Variants in BNIPL observed in about 807,000 individuals in gnomAD.
BNIPL encodes BCL2 interacting protein like.
In BNIPL, 33 loss-of-function variants were observed where a neutral mutation model predicts 47.0. That is an observed-to-expected ratio of 0.70 (90% CI 0.53 to 0.94). The LOEUF (loss-of-function observed/expected upper bound fraction) is 0.94. Ranked by LOEUF, BNIPL falls within the 40% of genes least tolerant of loss-of-function variation. The pLI, the probability that BNIPL is intolerant of heterozygous loss-of-function variation, is 0.00. For synonymous variants in BNIPL, 145 were observed against 162.7 expected, an observed-to-expected ratio of 0.89 and a Z score of 0.83; for missense variants, 404 against 445.2, an observed-to-expected ratio of 0.91 and a Z score of 0.83.
chr1:151,039,195 G>C (rs1208319975), intron 4 of BNIPL, among the ~76,000 whole-genome samples, 169 bp downstream of exon 4: 1 of 152,200 alleles, frequency 6.6e-6, no homozygotes, highest in Non-Finnish European at 1.5e-5. Flanking sequence ...CAATGTGAGA[G>C]TAGTCAGTAG....
chr1:151,046,545 A>G, intron 9 of BNIPL, 106 bp from the exon 10 acceptor site: 5 of 1,052,248 alleles, frequency 4.8e-6, no homozygotes, highest in Admixed American at 2.5e-5. Flanking sequence ...ACTCAACCCA[A>G]TCATCTAGCT....
Position 151,043,724 on chromosome 1 carries a change from G to C in BNIPL, c.848G>C (p.Arg283Pro). ...WIRQCYRTLDRRLRKNLRALV... is the reference protein window; with the variant it reads ...WIRQCYRTLDPRLRKNLRALV... ...CGTCAGTGTTACCGTACCCTGGATC[G>C]GCGGTGAGACCTGGGATGAGAGGGC... Residue 283 changes from arginine (R) to proline (P), a missense_variant, in exon 7 of 10, where the codon CGG (arginine) becomes CCG (proline). Coordinates refer to ENST00000368931, the MANE Select transcript of BNIPL (RefSeq NM_138278.4). The C allele has an allele frequency of 6.2e-7, 1 of 1,613,022 alleles. No individual in the cohort carries two copies. Among genetic ancestry groups the C allele is most frequent in the South Asian group, 1.1e-5 (1 of 90,960 alleles).
At position 151,043,065 on chromosome 1, in the gene BNIPL, C is replaced by G; in HGVS notation, c.543C>G (p.Phe181Leu). ...TGEDGHHWRVFRMGPREQRVD... is the reference protein window; with the variant it reads ...TGEDGHHWRVLRMGPREQRVD... ...AAGATGGACATCACTGGAGGGTGTT[C>G]CGAATGGGACCACGGGAGCAGCGCG... Residue 181 changes from phenylalanine (F) to leucine (L), a missense_variant, in exon 5 of 10, where the codon TTC becomes TTG. Physicochemically the swap from Phe to Leu is conservative, Grantham distance 22. Coordinates refer to ENST00000368931, the MANE Select transcript of BNIPL (RefSeq NM_138278.4). The G allele has an allele frequency of 6.2e-7, 1 of 1,611,198 alleles. No homozygotes were observed. The highest frequency in any genetic ancestry group is 8.5e-7 in the Non-Finnish European group (1 of 1,179,314).
intron 4 of BNIPL, among the ~76,000 whole-genome samples, chr1:151,040,412 C>T (rs1020788973): frequency 1.8e-4 from 27 of 152,018 alleles, no homozygotes; most frequent in African/African-American, 6.5e-4. Context: ...AACTCCTGGC[C>T]TCAAGCAATC....
At chr1:151,042,858 T>C in intron 4 of BNIPL, 98 bp from the exon 5 acceptor site, 3 of 985,718 alleles carry the variant, frequency 3.0e-6, no homozygotes, top group Non-Finnish European at 4.4e-6. Context: ...AATTGAGTAA[T>C]GACAGATTAG....
At position 151,046,653 on chromosome 1, in the gene BNIPL, T is replaced by C. The variant is rs781112247; in HGVS notation, c.1040T>C (p.Leu347Pro). The C allele has an allele frequency of 1.2e-6, 2 of 1,602,966 alleles. No individual in the cohort carries two copies. Among genetic ancestry groups the C allele is most frequent in the Non-Finnish European group, 8.5e-7 (1 of 1,173,558 alleles). Residue 347 changes from leucine to proline, a missense_variant and splice_region_variant, in exon 10 of 10, where the codon CTG (leucine) becomes CCG (proline). Leu to Pro is a moderately conservative substitution (Grantham distance 98). Coordinates refer to ENST00000368931, the MANE Select transcript of BNIPL (RefSeq NM_138278.4). Reference protein sequence around the residue: ...QVHIPEAVRQLDRDLHGSGGT With the variant: ...QVHIPEAVRQPDRDLHGSGGT ...TCCTCCCCCTCTCCCTCTCCTAGGC[T>C]GGACCGGGATCTCCATGGCTCAGGA...
At position 151,037,557 on chromosome 1, in the gene BNIPL, G is replaced by T; in HGVS notation, c.42-10G>T. ...TTCCCTTGATCTTTTCTTCTTGGGG[G>T]CTGTCTTAGGGTCAGGGAGATTGCA... On this transcript the variant is annotated splice_polypyrimidine_tract_variant and intron_variant, in intron 1 of 9. Coordinates refer to ENST00000368931, the MANE Select transcript of BNIPL (RefSeq NM_138278.4). 1 of 1,596,318 alleles carries T rather than the reference G, an allele frequency of 6.3e-7. No homozygotes were observed. Among genetic ancestry groups the T allele is most frequent in the Non-Finnish European group, 8.5e-7 (1 of 1,171,122 alleles).
chr1:151,046,780 C>CATGATACG lies in BNIPL; in HGVS notation c.*93_*94insATGATACG. The CATGATACG allele has an allele frequency of 9.5e-7, 1 of 1,053,638 alleles. No homozygotes were observed. Among genetic ancestry groups the CATGATACG allele is most frequent in the Non-Finnish European group, 1.4e-6 (1 of 724,380 alleles). 65.3% of individuals were successfully genotyped at this position (1,053,638 alleles called of 1,614,324 possible). On this transcript the variant is annotated 3_prime_UTR_variant, in exon 10 of 10. Coordinates refer to ENST00000368931, the MANE Select transcript of BNIPL (RefSeq NM_138278.4). The stretch of plus-strand genomic sequence containing the variant: ...TGAACTGTTTTGTAAATCATCTTAT[C>CATGATACG]CCCAACCTCAGTACCACCGGATCTT...
chr1:151,036,881 T>G, intron 1 of BNIPL, 115 bp downstream of exon 1: 1 of 1,049,040 alleles, frequency 9.5e-7, no homozygotes, highest in Non-Finnish European at 1.5e-6. Context: ...GAGACAAGAC[T>G]GTAAGAGAGT....
intron 4 of BNIPL, among the ~76,000 whole-genome samples, chr1:151,040,533 C>T (rs1218236332): frequency 3.3e-5 from 5 of 151,896 alleles, no homozygotes; most frequent in Admixed American, 1.3e-4. Context: ...CGGTGGCTCA[C>T]GCCTGTAATC....
In BNIPL at chr1:151,043,603, G is replaced by A. The variant is rs1480445834; in HGVS notation, c.727G>A (p.Val243Met). ...YVMEHLFRYMVGTLELLVAEN... is the reference protein window; with the variant it reads ...YVMEHLFRYMMGTLELLVAEN... ...GCAATTTCATCCCCCCAGGTATATG[G>A]TGGGAACTCTGGAGCTGCTAGTAGC... is the stretch of plus-strand genomic sequence containing the variant. The change falls in exon 7 of 10, where the codon GTG (valine) becomes ATG (methionine). Residue 243 changes from valine to methionine, a missense_variant. By Grantham distance (21) the Val-to-Met change is conservative. Coordinates refer to ENST00000368931, the MANE Select transcript of BNIPL (RefSeq NM_138278.4). The A allele has an allele frequency of 2.5e-6, 4 of 1,611,510 alleles. No homozygotes were observed. The highest frequency in any genetic ancestry group is 3.4e-6 in the Non-Finnish European group (4 of 1,177,876).
chr1:151,038,960 A>G lies in BNIPL; in HGVS notation c.367A>G (p.Ile123Val), dbSNP rs1675727245. ...TCCTGATGGCAGTTCTGACCTGGAG[A>G]TAGACGAATTGGAGACACCTTCAGA... is the stretch of plus-strand genomic sequence containing the variant. The part of the protein sequence containing the change: ...SSPDGSSDLE[I>V]DELETPSDSE... The change falls in exon 4 of 10, where the codon ATA becomes GTA. Residue 123 changes from isoleucine (I) to valine (V), a missense_variant. Coordinates refer to ENST00000368931, the MANE Select transcript of BNIPL (RefSeq NM_138278.4). The G allele has an allele frequency of 1.2e-6, 2 of 1,612,704 alleles. No homozygotes were observed. The highest frequency in any genetic ancestry group is 2.7e-5 in the African/African-American group (2 of 74,958).
At chr1:151,045,043 T>A (rs1473564221) in intron 7 of BNIPL, 1 of 1,024,610 alleles carries the variant, frequency 9.8e-7, no homozygotes. Context: ...GGTGGGCGGA[T>A]CACAAGGTCA....
At position 151,038,792 on chromosome 1, in the gene BNIPL, C is replaced by A. The variant is rs759090792; in HGVS notation, c.203-4C>A. ...CTTGGTTCTCTTTTTCCCCCTTTCT[C>A]CAGCTGCAGGTACCCCCAGCACTTT... On this transcript the variant is annotated splice_polypyrimidine_tract_variant and splice_region_variant and intron_variant, in intron 3 of 9. Transcript: ENST00000368931. 1.9e-6 allele frequency: 3 copies of A among 1,569,368 alleles called. No individual in the cohort carries two copies. The highest frequency in any genetic ancestry group is 1.7e-6 in the Non-Finnish European group (2 of 1,157,740).
Position 151,043,415 on chromosome 1 carries a change from G to T in BNIPL, c.700G>T (p.Val234Phe). Residue 234 changes from valine (V) to phenylalanine (F), a missense_variant, in exon 6 of 10, where the codon GTC (valine) becomes TTC (phenylalanine). Transcript: ENST00000368931. ...AAGCAGCATCCCCAACTACACCTAT[G>T]TCATGGAACACTTGTTTAGGTGAGG... ...PRSSIPNYTY[V>F]MEHLFRYMVG... 1 of 1,605,092 alleles carries T rather than the reference G, an allele frequency of 6.2e-7. No homozygotes were observed. The highest frequency in any genetic ancestry group is 8.5e-7 in the Non-Finnish European group (1 of 1,171,876).
intron 4 of BNIPL, among the ~76,000 whole-genome samples, chr1:151,042,336 C>G (rs1675853610): frequency 6.6e-6 from 1 of 152,036 alleles, no homozygotes; most frequent in East Asian, 1.9e-4. Flanking sequence ...AGGCTGGTCT[C>G]AAACTCCTGG....
At chr1:151,045,078 C>T in intron 7 of BNIPL, 1 of 615,756 alleles carries the variant, frequency 1.6e-6, no homozygotes, top group South Asian at 2.3e-5. Context: ...GCCTGGCCAA[C>T]ATGGTGACAA....
intron 4 of BNIPL, among the ~76,000 whole-genome samples, chr1:151,041,473 C>T (rs1325374560): frequency 6.6e-6 from 1 of 152,116 alleles, no homozygotes; most frequent in African/African-American, 2.4e-5. Context: ...CTGATGTGTA[C>T]CCATAGCCCT....
chr1:151,047,647 C>T lies in BNIPL; in HGVS notation c.*960C>T. Reference sequence around the variant, plus strand: ...CCCCTTGCATCCCAAACCTTCGGTTCTGGCAGAGTTCTTGCCGCAGAGGTT... The same window carrying T: ...CCCCTTGCATCCCAAACCTTCGGTTTTGGCAGAGTTCTTGCCGCAGAGGTT... On this transcript the variant is annotated 3_prime_UTR_variant, in exon 10 of 10. Transcript: ENST00000368931. The T allele has an allele frequency of 3.7e-6, 3 of 808,694 alleles. No homozygotes were observed. Among genetic ancestry groups the T allele is most frequent in the Non-Finnish European group, 5.5e-6 (3 of 547,936 alleles). 50.1% of individuals were successfully genotyped at this position (808,694 alleles called of 1,614,324 possible). A position where few individuals can be genotyped will look rare whatever the true frequency, so the allele number is the denominator to read the frequency against.
Sources: allele counts gnomAD v4.1 joint callset (sites outside exome capture counted in the v4.1 genomes callset), GRCh38; gene constraint gnomAD v4.1.1; transcripts MANE v1.5; gene names NCBI Gene and HGNC (gene_info 2026-07-23, HGNC 2026-07-21).